Variants in PRKDC observed in about 807,000 individuals in gnomAD.
PRKDC encodes the protein protein kinase, DNA-activated, catalytic subunit.
A neutral mutation model predicts 486.9 loss-of-function variants in PRKDC; 82 were observed. That is an observed-to-expected ratio of 0.17 (90% CI 0.14 to 0.20). The LOEUF is 0.20. PRKDC is among the 10% of genes least tolerant of loss of function. The probability of loss-of-function intolerance (pLI) is 1.00; values close to 1 mark genes in which losing one functional copy is unlikely to be tolerated. For missense variants in PRKDC, 4,504 were observed against 5,038.2 expected (o/e 0.89, Z 3.21); for synonymous variants, 1,895 against 1,837.0 (o/e 1.03, Z -0.81).
intron 11 of PRKDC, 114 bp downstream of exon 11, chr8:47,939,437 A>C: frequency 3.3e-6 from 4 of 1,207,028 alleles, no homozygotes; most frequent in Non-Finnish European, 4.7e-6. Context: ...CATGTTATTC[A>C]AGGGTCTACT....
At chr8:47,798,443 T>A (rs774240558) in intron 72 of PRKDC, 46 bp from the exon 73 acceptor site, 80 of 1,505,556 alleles carry the variant, frequency 5.3e-5, no homozygotes, top group Non-Finnish European at 7.0e-5. Flanking sequence ...TGTATCCCAA[T>A]ATCCATAAAC....
At chr8:47,954,815 A>C (rs1316633645) in intron 4 of PRKDC, among the ~76,000 whole-genome samples, 2 of 152,206 alleles carry the variant, frequency 1.3e-5, no homozygotes, top group South Asian at 4.1e-4. Context: ...AATACAAAAA[A>C]AACAGAAACA....
At chr8:47,795,756 G>C (rs1055273336) in intron 73 of PRKDC, among the ~76,000 whole-genome samples, 22 of 152,048 alleles carry the variant, frequency 1.4e-4, no homozygotes, top group Admixed American at 6.5e-4. Context: ...GCCTCCCAAA[G>C]TGCTGGGATT....
Position 47,857,218 on chromosome 8 carries a change from G to T in PRKDC, c.6547C>A (p.His2183Asn). 6.2e-7 allele frequency: 1 copy of T among 1,614,016 alleles called. No individual in the cohort carries two copies. Among genetic ancestry groups the T allele is most frequent in the Non-Finnish European group, 8.5e-7 (1 of 1,179,882 alleles). The stretch of plus-strand genomic sequence containing the variant: ...GCCACTATCTCAACCACCATGTAGT[G>T]AATTCCTTCTCCTCCATTGTTTTCA... ...ASENNGGEGIHYMVVEIVATI... is the reference protein window; with the variant it reads ...ASENNGGEGINYMVVEIVATI... The change falls in exon 49 of 86, where the codon CAC becomes AAC. Residue 2183 changes from histidine (H) to asparagine (N), a missense_variant. His to Asn is a moderately conservative substitution (Grantham distance 68, BLOSUM62 1). Coordinates refer to ENST00000314191, the MANE Select transcript of PRKDC (RefSeq NM_006904.7).
At chr8:47,855,866 G>A (rs964753874) in intron 49 of PRKDC, among the ~76,000 whole-genome samples, 4 of 152,162 alleles carry the variant, frequency 2.6e-5, no homozygotes, top group Non-Finnish European at 5.9e-5. Context: ...CACCACTCTA[G>A]GGGCAAACAG....
At position 47,918,398 on chromosome 8, in the gene PRKDC, C is replaced by T. The variant is rs543839340; in HGVS notation, c.2420-15G>A. On this transcript the variant is annotated splice_polypyrimidine_tract_variant and intron_variant, in intron 21 of 85. Transcript: ENST00000314191. ...CTTGGTCTCATCTATCAATAGTAAA[C>T]GAAAATAAATTTAAAATAGCACTCA... 139 of 1,465,236 alleles carry T rather than the reference C, an allele frequency of 9.5e-5. No homozygotes were observed. In the East Asian group the frequency reaches 9.7e-4, roughly 10 times the overall value. 90.8% of individuals were successfully genotyped at this position (1,465,236 alleles called of 1,614,324 possible). A position where few individuals can be genotyped will look rare whatever the true frequency, so the allele number is the denominator to read the frequency against.
Position 47,927,818 on chromosome 8 carries a change from G to A in PRKDC, c.2212C>T (p.His738Tyr), listed in dbSNP as rs372017101. 3.8e-6 allele frequency: 6 copies of A among 1,592,944 alleles called. No individual in the cohort carries two copies. The highest frequency in any genetic ancestry group is 4.3e-6 in the Non-Finnish European group (5 of 1,171,352). ...SCLTFLLSLP[H>Y]NIIELDVRAY... ...CTAACATCGAGTTCAATGATGTTGT[G>A]TGGCAAGGACAGAAGAAAGGTCAAA... The change falls in exon 20 of 86, where the codon CAC becomes TAC. Residue 738 changes from histidine to tyrosine, a missense_variant. His to Tyr is a moderately conservative substitution (Grantham distance 83, BLOSUM62 2). Transcript: ENST00000314191.
At chr8:47,857,012 G>A (rs900695218) in intron 49 of PRKDC, 144 bp downstream of exon 49, 1 of 844,654 alleles carries the variant, frequency 1.2e-6, no homozygotes, top group Non-Finnish European at 1.6e-6. Context: ...GAGGCCATTT[G>A]GTTTAGGAGC....
At chr8:47,818,120 T>C (rs1227178489) in intron 67 of PRKDC, among the ~76,000 whole-genome samples, 1 of 152,212 alleles carries the variant, frequency 6.6e-6, no homozygotes, top group Non-Finnish European at 1.5e-5. Context: ...TAATGTGTTT[T>C]TCTTTCTGTT....
intron 15 of PRKDC, among the ~76,000 whole-genome samples, chr8:47,933,611 C>T (rs1383650701): frequency 5.3e-5 from 8 of 152,270 alleles, no homozygotes; most frequent in East Asian, 1.9e-4. Flanking sequence ...CATATATAAA[C>T]GTACACATAC....
intron 68 of PRKDC, 100 bp from the exon 69 acceptor site, chr8:47,807,426 C>CTT: frequency 3.0e-5 from 30 of 1,008,320 alleles, no homozygotes; most frequent in Non-Finnish European, 3.8e-5. Flanking sequence ...AATGTTTGTT[C>CTT]TTTTTTTTTT....
chr8:47,873,965 C>G (rs2154501140), intron 40 of PRKDC, among the ~76,000 whole-genome samples: 1 of 149,428 alleles, frequency 6.7e-6, no homozygotes, highest in South Asian at 2.1e-4. Context: ...AGGGTGATTA[C>G]AGTCAATGGT....
At chr8:47,785,524 A>C (rs1206374255) in intron 76 of PRKDC, among the ~76,000 whole-genome samples, 1 of 151,912 alleles carries the variant, frequency 6.6e-6, no homozygotes, top group African/African-American at 2.4e-5. Flanking sequence ...ACTTGAGCCA[A>C]GGAGTTTGAG....
At chr8:47,882,575 GGC>G (rs1008839007) in intron 36 of PRKDC, among the ~76,000 whole-genome samples, 2 of 151,444 alleles carry the variant, frequency 1.3e-5, no homozygotes, top group Admixed American at 1.3e-4. Flanking sequence ...CCACCATACA[GGC>G]ACACACTAGC....
rs758030749 is a variant in PRKDC at position 47,888,590 on chromosome 8, C to T, written c.4341G>A (p.Arg1447=). The change falls in exon 34 of 86, where the codon AGG becomes AGA. Residue 1447 remains arginine, a synonymous_variant. Transcript: ENST00000314191. ...YGPDAQVDRS[R]LAAVVSACKQ... ...TACAGGCAGACACAACAGCAGCCAG[C>T]CTGCTCCTGTCCACTTGCGCGTCAG... 1.3e-6 allele frequency: 2 copies of T among 1,590,892 alleles called. No individual in the cohort carries two copies.
At position 47,933,036 on chromosome 8, in the gene PRKDC, G is replaced by C. The variant is rs2090283361; in HGVS notation, c.1760C>G (p.Thr587Ser). 1 of 1,595,576 alleles carries C rather than the reference G, an allele frequency of 6.3e-7. No individual in the cohort carries two copies. Among genetic ancestry groups the C allele is most frequent in the Non-Finnish European group, 8.5e-7 (1 of 1,173,514 alleles). The change falls in exon 16 of 86, where the codon ACT (threonine) becomes AGT (serine). Residue 587 changes from threonine to serine, a missense_variant. Transcript: ENST00000314191. The stretch of plus-strand genomic sequence containing the variant: ...ATTTCTAACCTCTTGTTCCCCAACA[G>C]TCTGTATTTCAAGTGTAAGATCCAA... ...EKLDLTLEIQ[T>S]VGEQENGDEA...
At chr8:47,898,609 A>G in intron 28 of PRKDC, 40 bp from the exon 29 acceptor site, 1 of 1,165,244 alleles carries the variant, frequency 8.6e-7, no homozygotes, top group South Asian at 3.4e-5. Context: ...AAGAAGGCAT[A>G]TATAGCTGAT....
intron 49 of PRKDC, among the ~76,000 whole-genome samples, chr8:47,856,342 C>G (rs1412522682): frequency 6.6e-6 from 1 of 152,112 alleles, no homozygotes; most frequent in South Asian, 2.1e-4. Flanking sequence ...ATTCTCCTGC[C>G]TCAGCCTCCC....
intron 68 of PRKDC, among the ~76,000 whole-genome samples, chr8:47,812,532 T>C (rs750702050): frequency 1.3e-4 from 20 of 152,150 alleles, no homozygotes; most frequent in Non-Finnish European, 5.9e-5. Flanking sequence ...TCAAGTCACA[T>C]GAGAGTTAGA....
Sources: gnomAD v4.1 joint callset for allele counts (sites outside exome capture counted in the v4.1 genomes callset) on GRCh38, gnomAD v4.1.1 for gene constraint, MANE v1.5 for transcripts, NCBI Gene and HGNC (gene_info 2026-07-23, HGNC 2026-07-21) for gene names.